Variants in RGS6 observed in about 807,000 individuals in gnomAD.
RGS6 encodes the protein regulator of G protein signaling 6.
In RGS6, 30 loss-of-function variants were observed where a neutral mutation model predicts 78.5. The observed-to-expected ratio is 0.38, with a 90% CI of 0.29 to 0.52. RGS6 has a LOEUF of 0.52. Ranked by LOEUF, RGS6 falls within the 20% of genes least tolerant of loss-of-function variation. The pLI, the probability that RGS6 is intolerant of heterozygous loss-of-function variation, is 0.85. For missense variants in RGS6, 495 were observed against 609.7 expected (o/e 0.81, Z 1.98); for synonymous variants, 206 against 206.0 (o/e 1.00, Z 0.00).
At chr14:72,625,562 T>C in the RGS6 span, among the ~76,000 whole-genome samples, 1 of 152,220 alleles carries the variant, frequency 6.6e-6, no homozygotes, top group Non-Finnish European at 1.5e-5. Flanking sequence ...GAATGGTGTT[T>C]AGAAACCAAT....
At chr14:72,210,303 A>G (rs969291413) in intron 2 of RGS6, among the ~76,000 whole-genome samples, 5 of 152,162 alleles carry the variant, frequency 3.3e-5, no homozygotes, top group Admixed American at 1.3e-4. Flanking sequence ...TTTTGCTGCT[A>G]GAGAGGTGAG....
intron 3 of RGS6, among the ~76,000 whole-genome samples, chr14:72,371,607 C>A (rs1443804053): frequency 6.6e-6 from 1 of 152,022 alleles, no homozygotes; most frequent in Non-Finnish European, 1.5e-5. Context: ...ACTAAAGATA[C>A]AAAATTAGCC....
At chr14:72,038,184 T>G (rs2091976287) in intron 2 of RGS6, among the ~76,000 whole-genome samples, 1 of 152,088 alleles carries the variant, frequency 6.6e-6, no homozygotes, top group Admixed American at 6.5e-5. Flanking sequence ...TGGCCAGTCT[T>G]GTCTTGAACT....
At chr14:71,964,013 G>A (rs1272005828) in intron 1 of RGS6, among the ~76,000 whole-genome samples, 1 of 150,572 alleles carries the variant, frequency 6.6e-6, no homozygotes, top group Non-Finnish European at 1.5e-5. Flanking sequence ...CTGTATCCTT[G>A]CCAAGACTTA....
chr14:72,604,881 C>T, the RGS6 span, among the ~76,000 whole-genome samples: 3 of 152,262 alleles, frequency 2.0e-5, no homozygotes, highest in South Asian at 6.2e-4. Context: ...AGTCCCCTGC[C>T]TCCCCTCCCA....
intron 2 of RGS6, among the ~76,000 whole-genome samples, chr14:72,149,552 G>A (rs1288613691): frequency 6.6e-6 from 1 of 152,102 alleles, no homozygotes; most frequent in Non-Finnish European, 1.5e-5. Flanking sequence ...GTGAAATATA[G>A]GTTAAAGGAA....
chr14:72,097,720 G>T (rs2095438542), intron 2 of RGS6, among the ~76,000 whole-genome samples: 1 of 150,088 alleles, frequency 6.7e-6, no homozygotes, highest in African/African-American at 2.4e-5. Context: ...CCCAGATGCA[G>T]CCCAGCTGCT....
chr14:72,540,431 T>C, intron 17 of RGS6: 1 of 1,472,312 alleles, frequency 6.8e-7, no homozygotes. Context: ...CTGCAGCAGC[T>C]CAGGGAGAAG....
intron 2 of RGS6, among the ~76,000 whole-genome samples, chr14:71,993,429 G>T (rs1337193223): frequency 6.6e-6 from 1 of 152,124 alleles, no homozygotes; most frequent in Non-Finnish European, 1.5e-5. Context: ...ATAATGAAAT[G>T]AATAGTTACT....
chr14:71,980,342 G>C (rs543861252), intron 2 of RGS6, among the ~76,000 whole-genome samples: 8,160 of 147,816 alleles, frequency 0.055, 758 homozygotes, highest in African/African-American at 0.2. Context: ...AGTTGATGCA[G>C]TTTCTTCCTA....
chr14:71,922,856 AAAAACAAAAC>A, the RGS6 span, among the ~76,000 whole-genome samples: 10,493 of 150,724 alleles, frequency 0.07, 428 homozygotes, highest in Non-Finnish European at 0.091. Context: ...GACAAAAAAC[AAAAACAAAAC>A]AAAACAAAAC....
chr14:71,930,619 G>C (rs1481391768), upstream of RGS6, among the ~76,000 whole-genome samples: 3 of 152,116 alleles, frequency 2.0e-5, no homozygotes, highest in South Asian at 2.1e-4. Context: ...CCTGGAGCCT[G>C]CTGTTTATAC....
chr14:71,957,753 A>G (rs1013138043), intron 1 of RGS6, among the ~76,000 whole-genome samples: 4 of 152,054 alleles, frequency 2.6e-5, no homozygotes, highest in Admixed American at 2.6e-4. Context: ...AACAGATGGA[A>G]TGCAAAATTT....
upstream of RGS6, among the ~76,000 whole-genome samples, chr14:71,930,471 A>G (rs1202488321): frequency 3.9e-5 from 6 of 152,220 alleles, no homozygotes; most frequent in African/African-American, 1.4e-4. Context: ...AAGAAACCAT[A>G]CTACATAGAT....
chr14:72,554,717 C>G (rs113500426), intron 17 of RGS6, among the ~76,000 whole-genome samples: 3,679 of 152,108 alleles, frequency 0.024, 131 homozygotes, highest in African/African-American at 0.082. Flanking sequence ...GAAAGAGCAA[C>G]AGGGTTGTTC....
At chr14:72,178,137 C>G (rs900047687) in intron 2 of RGS6, among the ~76,000 whole-genome samples, 2 of 152,222 alleles carry the variant, frequency 1.3e-5, no homozygotes, top group Admixed American at 6.5e-5. Context: ...GGTTGGTGGA[C>G]CATTTTCTTC....
At chr14:72,203,077 G>A (rs1429056280) in intron 2 of RGS6, among the ~76,000 whole-genome samples, 2 of 151,946 alleles carry the variant, frequency 1.3e-5, no homozygotes, top group African/African-American at 4.8e-5. Flanking sequence ...GGGTTTCACC[G>A]TGTTAGCCAG....
At chr14:72,418,107 G>A (rs1217368697) in intron 3 of RGS6, among the ~76,000 whole-genome samples, 1 of 151,914 alleles carries the variant, frequency 6.6e-6, no homozygotes, top group Non-Finnish European at 1.5e-5. Context: ...GATCTAGGTA[G>A]TATGGGAAAA....
the RGS6 span, among the ~76,000 whole-genome samples, chr14:71,910,253 C>G: frequency 5.3e-5 from 8 of 152,166 alleles, no homozygotes; most frequent in Non-Finnish European, 7.3e-5. Flanking sequence ...GAGAAGAGCT[C>G]TCTCTGTGCT....
Sources: allele counts gnomAD v4.1 joint callset (sites outside exome capture counted in the v4.1 genomes callset), GRCh38; gene constraint gnomAD v4.1.1; transcripts MANE v1.5; gene names NCBI Gene and HGNC (gene_info 2026-07-23, HGNC 2026-07-21).